The following TMEM132D variants were observed in gnomAD, a reference collection of about 807,000 sequenced individuals.
TMEM132D encodes the protein transmembrane protein 132D.
Under a neutral mutation model 62.3 loss-of-function variants are expected in TMEM132D, and 21 were observed. The observed-to-expected ratio is 0.34, with a 90% CI of 0.24 to 0.49. The LOEUF is 0.49. Ranked by LOEUF, TMEM132D falls within the 20% of genes least tolerant of loss-of-function variation. The pLI, the probability that TMEM132D is intolerant of heterozygous loss-of-function variation, is 0.99. For synonymous variants in TMEM132D, 621 were observed against 575.6 expected (o/e 1.08, Z -1.13); for missense variants, 1,346 against 1,402.8 (o/e 0.96, Z 0.65).
intron 2 of TMEM132D, among the ~76,000 whole-genome samples, chr12:129,655,312 T>C (rs1880045139): frequency 6.7e-6 from 1 of 148,524 alleles, no homozygotes; most frequent in Non-Finnish European, 1.5e-5. Flanking sequence ...AGTGATGCAA[T>C]CTTGGCTCAC....
intron 2 of TMEM132D, among the ~76,000 whole-genome samples, chr12:129,603,703 A>G (rs1310524646): frequency 6.6e-6 from 1 of 152,186 alleles, no homozygotes; most frequent in Non-Finnish European, 1.5e-5. Context: ...AAAAAGGAAC[A>G]CTTTTACACT....
chr12:129,631,927 C>A (rs979131973), intron 2 of TMEM132D, among the ~76,000 whole-genome samples: 1 of 152,064 alleles, frequency 6.6e-6, no homozygotes, highest in Non-Finnish European at 1.5e-5. Context: ...CACATAAGAG[C>A]CATATAATTT....
chr12:129,721,010 C>T (rs564717579), intron 1 of TMEM132D, among the ~76,000 whole-genome samples: 3 of 152,260 alleles, frequency 2.0e-5, no homozygotes, highest in South Asian at 4.1e-4. Flanking sequence ...AAGATGGGGC[C>T]GCATCTGCGT....
intron 4 of TMEM132D, among the ~76,000 whole-genome samples, chr12:129,279,873 T>C (rs944558604): frequency 6.6e-6 from 1 of 152,338 alleles, no homozygotes; most frequent in East Asian, 1.9e-4. Flanking sequence ...GATAATTCCA[T>C]TGTATCTGAA....
At chr12:129,851,514 T>C (rs1321789865) in intron 1 of TMEM132D, among the ~76,000 whole-genome samples, 4 of 152,238 alleles carry the variant, frequency 2.6e-5, no homozygotes, top group African/African-American at 9.6e-5. Flanking sequence ...CAAAGGGCTG[T>C]ACAAAAGCAC....
At chr12:129,152,361 T>C (rs1245890458) in intron 5 of TMEM132D, among the ~76,000 whole-genome samples, 1 of 152,128 alleles carries the variant, frequency 6.6e-6, no homozygotes, top group African/African-American at 2.4e-5. Flanking sequence ...CCCAGGTCCA[T>C]CTCATCTCCA....
At chr12:129,615,931 C>T (rs955754857) in intron 2 of TMEM132D, among the ~76,000 whole-genome samples, 2 of 152,208 alleles carry the variant, frequency 1.3e-5, no homozygotes, top group Non-Finnish European at 2.9e-5. Context: ...CTCTTCTCTA[C>T]TGGCCCCTCC....
Position 129,103,675 on chromosome 12 carries a change from G to A in TMEM132D, c.1444-18973C>T, listed in dbSNP as rs117418784. On this transcript the variant is annotated intron_variant, in intron 5 of 8. Coordinates refer to ENST00000422113, the MANE Select transcript of TMEM132D (RefSeq NM_133448.3). Reference sequence around the variant, plus strand: ...TGGGATTACAGGCGTGAGCCACCACGCCTGGCCTAGGTAACCATCTTTATG... The same window carrying A: ...TGGGATTACAGGCGTGAGCCACCACACCTGGCCTAGGTAACCATCTTTATG... Among the ~76,000 whole-genome samples, 1,172 of 152,252 alleles carry A rather than the reference G, an allele frequency of 7.7e-3. 9 individuals carry two copies. The highest frequency in any genetic ancestry group is 0.024 in the Middle Eastern group (7 of 294).
intron 2 of TMEM132D, among the ~76,000 whole-genome samples, chr12:129,608,128 C>T (rs1040916118): frequency 2.0e-5 from 3 of 152,290 alleles, no homozygotes; most frequent in Admixed American, 6.5e-5. Flanking sequence ...GAAGGAACAG[C>T]GAAGTGTGTT....
intron 1 of TMEM132D, among the ~76,000 whole-genome samples, chr12:129,725,448 G>A (rs954547172): frequency 6.6e-6 from 1 of 152,182 alleles, no homozygotes; most frequent in Non-Finnish European, 1.5e-5. Context: ...TGATGCCACC[G>A]AACTTGGATT....
At chr12:129,167,727 A>G (rs1243252409) in intron 5 of TMEM132D, among the ~76,000 whole-genome samples, 1 of 152,000 alleles carries the variant, frequency 6.6e-6, no homozygotes, top group African/African-American at 2.4e-5. Context: ...ACATCTATTT[A>G]ATATTAAAAT....
chr12:129,379,617 T>C (rs138472400), intron 3 of TMEM132D, among the ~76,000 whole-genome samples: 2 of 152,324 alleles, frequency 1.3e-5, no homozygotes, highest in Non-Finnish European at 2.9e-5. Flanking sequence ...CTGTTTTTAC[T>C]GGTGCTGTCA....
intron 3 of TMEM132D, among the ~76,000 whole-genome samples, chr12:129,480,059 T>C (rs1054216657): frequency 2.1e-5 from 3 of 146,092 alleles, no homozygotes; most frequent in African/African-American, 5.1e-5. Flanking sequence ...TCCTAGAGAT[T>C]TGAAGAAAGT....
chr12:129,500,849 C>G (rs1299191705), intron 3 of TMEM132D, among the ~76,000 whole-genome samples: 1 of 152,170 alleles, frequency 6.6e-6, no homozygotes, highest in Non-Finnish European at 1.5e-5. Flanking sequence ...GACCCCAGTC[C>G]TTTGTAGGTA....
intron 3 of TMEM132D, among the ~76,000 whole-genome samples, chr12:129,353,864 A>C (rs1199231875): frequency 6.6e-6 from 1 of 151,410 alleles, no homozygotes; most frequent in African/African-American, 2.4e-5. Flanking sequence ...GACTGACTCC[A>C]CAGGTGTGGA....
In TMEM132D at chr12:129,346,576, T is replaced by A. The variant is rs189925596; in HGVS notation, c.1116-8759A>T. Among the ~76,000 whole-genome samples, 4 of 152,292 alleles carry A rather than the reference T, an allele frequency of 2.6e-5. No individual in the cohort carries two copies. In the East Asian group the frequency reaches 7.7e-4, roughly 29 times the overall value. ...ACATATCTCACAATAATAAGAGCTATTTATGAAAAACCCATAGCCAGTATC... is the reference window on the plus strand; with the variant it reads ...ACATATCTCACAATAATAAGAGCTAATTATGAAAAACCCATAGCCAGTATC... On this transcript the variant is annotated intron_variant, in intron 3 of 8. Coordinates refer to ENST00000422113, the MANE Select transcript of TMEM132D (RefSeq NM_133448.3).
chr12:129,582,234 G>C (rs140230353), intron 2 of TMEM132D, among the ~76,000 whole-genome samples: 1 of 152,322 alleles, frequency 6.6e-6, no homozygotes, highest in African/African-American at 2.4e-5. Context: ...TTTCCTTCCA[G>C]ATGTTTTGGG....
chr12:129,515,692 A>C (rs1321950537), intron 3 of TMEM132D, among the ~76,000 whole-genome samples: 1 of 152,142 alleles, frequency 6.6e-6, no homozygotes, highest in African/African-American at 2.4e-5. Flanking sequence ...CCTATATCTG[A>C]AGGCCAGGGG....
chr12:129,134,896 C>T (rs1310465100), intron 5 of TMEM132D, among the ~76,000 whole-genome samples: 2 of 152,194 alleles, frequency 1.3e-5, no homozygotes, highest in Non-Finnish European at 2.9e-5. Context: ...ATGTCATAGG[C>T]AAGGCCAATC....
Sources: gnomAD v4.1 joint callset for allele counts (sites outside exome capture counted in the v4.1 genomes callset) on GRCh38, gnomAD v4.1.1 for gene constraint, MANE v1.5 for transcripts, NCBI Gene and HGNC (gene_info 2026-07-23, HGNC 2026-07-21) for gene names.